CSNK2A2IP: variants seen among roughly 807,000 people sequenced by gnomAD.
CSNK2A2IP encodes the protein casein kinase II subunit alpha'-interacting protein.
At chr3:88,465,549 C>G in the CSNK2A2IP span, 3 of 1,231,678 alleles carry the variant, frequency 2.4e-6, no homozygotes, top group Non-Finnish European at 3.0e-6. Flanking sequence ...ATAAGAAGGT[C>G]CAGAGATGCT....
At chr3:88,394,627 G>T in the CSNK2A2IP span, among the ~76,000 whole-genome samples, 330 of 152,280 alleles carry the variant, frequency 2.2e-3, 2 homozygotes, top group African/African-American at 7.7e-3. Flanking sequence ...ACCCACCTTG[G>T]CCTCCCAAAG....
the CSNK2A2IP span, among the ~76,000 whole-genome samples, chr3:88,424,198 A>G: frequency 1.3e-5 from 2 of 152,046 alleles, no homozygotes; most frequent in Non-Finnish European, 2.9e-5. Context: ...TGCTAATTGA[A>G]CTCATAATCT....
chr3:88,377,928 G>A, the CSNK2A2IP span, among the ~76,000 whole-genome samples: 2 of 151,702 alleles, frequency 1.3e-5, no homozygotes, highest in African/African-American at 4.8e-5. Context: ...CCTTGTTTAA[G>A]CAATATCAAT....
At chr3:88,419,901 A>G in the CSNK2A2IP span, among the ~76,000 whole-genome samples, 1 of 152,168 alleles carries the variant, frequency 6.6e-6, no homozygotes, top group Non-Finnish European at 1.5e-5. Flanking sequence ...TTTCCTTTAG[A>G]GAAGGATATT....
At chr3:88,404,220 A>C in the CSNK2A2IP span, among the ~76,000 whole-genome samples, 1 of 152,186 alleles carries the variant, frequency 6.6e-6, no homozygotes, top group Admixed American at 6.5e-5. Flanking sequence ...GGCTGCTAGT[A>C]GACAGAGTCA....
the CSNK2A2IP span, among the ~76,000 whole-genome samples, chr3:88,351,720 C>G: frequency 6.6e-6 from 1 of 152,120 alleles, no homozygotes; most frequent in East Asian, 1.9e-4. Context: ...GATAACTCCC[C>G]ATTTTCCTAT....
the CSNK2A2IP span, among the ~76,000 whole-genome samples, chr3:88,361,325 T>C: frequency 6.6e-6 from 1 of 152,206 alleles, no homozygotes; most frequent in African/African-American, 2.4e-5. Context: ...TCAGCTTTTG[T>C]TTGTCTGGGA....
At chr3:88,449,868 T>TAGAGAGAGAGAGAGAGAGAG in the CSNK2A2IP span, among the ~76,000 whole-genome samples, 1 of 74,114 alleles carries the variant, frequency 1.3e-5, no homozygotes, top group African/African-American at 4.2e-5. Context: ...TATATATATA[T>TAGAGAGAGAGAGAGAGAGAG]ATATATAGAG....
the CSNK2A2IP span, among the ~76,000 whole-genome samples, chr3:88,421,318 C>A: frequency 1.3e-5 from 2 of 152,128 alleles, no homozygotes; most frequent in Non-Finnish European, 2.9e-5. Flanking sequence ...TCTAGTTCCC[C>A]CATAACTCCA....
the CSNK2A2IP span, among the ~76,000 whole-genome samples, chr3:88,385,978 T>C: frequency 2.0e-5 from 3 of 152,046 alleles, no homozygotes; most frequent in Non-Finnish European, 4.4e-5. Context: ...CTGAGGTCAT[T>C]TGGGTTTGTT....
chr3:88,430,870 G>A, the CSNK2A2IP span, among the ~76,000 whole-genome samples: 1 of 151,844 alleles, frequency 6.6e-6, no homozygotes, highest in East Asian at 2.0e-4. Context: ...AGATCTTCAA[G>A]GATTAAGAGA....
chr3:88,381,507 T>C, the CSNK2A2IP span, among the ~76,000 whole-genome samples: 11 of 152,144 alleles, frequency 7.2e-5, 1 homozygote, highest in Admixed American at 7.2e-4. Flanking sequence ...GGTGAGGTCT[T>C]ACTGGTTATA....
the CSNK2A2IP span, among the ~76,000 whole-genome samples, chr3:88,346,742 G>A: frequency 2.3e-3 from 357 of 152,060 alleles, 1 homozygote; most frequent in African/African-American, 8.3e-3. Flanking sequence ...TCACTCAGGA[G>A]CTCTGATGGA....
chr3:88,432,070 TGTA>T, the CSNK2A2IP span, among the ~76,000 whole-genome samples: 1 of 152,022 alleles, frequency 6.6e-6, no homozygotes, highest in African/African-American at 2.4e-5. Context: ...ATTTTATTCT[TGTA>T]GTTTGTTTTT....
the CSNK2A2IP span, among the ~76,000 whole-genome samples, chr3:88,424,333 C>T: frequency 4.6e-5 from 7 of 152,042 alleles, no homozygotes; most frequent in Non-Finnish European, 1.0e-4. Context: ...TGCCTGTTAT[C>T]GATGAGCTTG....
At chr3:88,367,043 T>A in the CSNK2A2IP span, among the ~76,000 whole-genome samples, 1 of 152,034 alleles carries the variant, frequency 6.6e-6, no homozygotes, top group Non-Finnish European at 1.5e-5. Context: ...ACAGGGTCCC[T>A]CCCACAATAC....
the CSNK2A2IP span, among the ~76,000 whole-genome samples, chr3:88,438,038 A>G: frequency 2.0e-5 from 3 of 152,206 alleles, no homozygotes. Context: ...CTCAAATCTT[A>G]TTAATTTGCA....
the CSNK2A2IP span, among the ~76,000 whole-genome samples, chr3:88,421,557 G>A: frequency 5.3e-5 from 8 of 152,020 alleles, no homozygotes; most frequent in Non-Finnish European, 1.2e-4. Context: ...TGTTATTACA[G>A]GTGCATGCCA....
the CSNK2A2IP span, among the ~76,000 whole-genome samples, chr3:88,352,605 G>T: frequency 7.0e-3 from 1,063 of 151,878 alleles, 7 homozygotes; most frequent in Non-Finnish European, 9.9e-3. Context: ...TTGAGATAGG[G>T]TCTCGCTCCA....
Sources: allele counts gnomAD v4.1 joint callset (sites outside exome capture counted in the v4.1 genomes callset), GRCh38; gene constraint gnomAD v4.1.1; transcripts MANE v1.5; gene names NCBI Gene and HGNC (gene_info 2026-07-23, HGNC 2026-07-21).